The following PCSK4 variants were observed in gnomAD, a reference collection of about 807,000 sequenced individuals.
The protein encoded by PCSK4 is testicular tissue protein Li 135.
PCSK4 carries 64 observed loss-of-function variants against 80.3 expected under a neutral mutation model. The observed-to-expected ratio is 0.80, with a 90% CI of 0.65 to 0.98. PCSK4 has a LOEUF of 0.98. Among genes scored for constraint, PCSK4 ranks in the 50% least tolerant of loss-of-function variants. The probability of loss-of-function intolerance (pLI) is 0.00; values close to 1 mark genes in which losing one functional copy is unlikely to be tolerated. For synonymous variants in PCSK4, 561 were observed against 487.6 expected, an observed-to-expected ratio of 1.15 and a Z score of -1.98; for missense variants, 1,213 against 1,093.6, an observed-to-expected ratio of 1.11 and a Z score of -1.54.
At chr19:1,488,043 C>G (rs756963949) in exon 4 of PCSK4, 62 of 1,613,328 alleles carry the variant, frequency 3.8e-5, no homozygotes, top group Non-Finnish European at 5.3e-5. Context: ...GCCTGACAGC[C>G]CCTGACTCCA....
intron 4 of PCSK4, 28 bp from the exon 5 acceptor site, chr19:1,487,889 C>T (rs892632877): frequency 1.9e-6 from 3 of 1,560,024 alleles, no homozygotes; most frequent in Non-Finnish European, 2.6e-6. Flanking sequence ...TATGAGGGGG[C>T]CGGGAGGCGT....
chr19:1,487,497 C>A, intron 6 of PCSK4, 106 bp downstream of exon 6: 2 of 1,095,106 alleles, frequency 1.8e-6, no homozygotes, highest in Non-Finnish European at 2.7e-6. Flanking sequence ...CTAGCACCAC[C>A]CAGCAGTGAG....
At position 1,487,881 on chromosome 19, in the gene PCSK4, T is replaced by C. The variant is rs1488359049; in HGVS notation, c.517-20A>G. The C allele has an allele frequency of 3.2e-6, 5 of 1,549,736 alleles. No individual in the cohort carries two copies. Among genetic ancestry groups the C allele is most frequent in the Admixed American group, 3.7e-5 (2 of 54,752 alleles). On this transcript the variant is annotated intron_variant, in intron 4 of 14. Transcript: ENST00000300954. ...GGGGTCCTGGGGGCAGGTGGGGATA[T>C]GAGGGGGCCGGGAGGCGTCCCTAGG... is the stretch of plus-strand genomic sequence containing the variant.
intron 12 of PCSK4, 66 bp from the exon 13 acceptor site, chr19:1,483,086 C>G: frequency 7.0e-7 from 1 of 1,434,204 alleles, no homozygotes; most frequent in Non-Finnish European, 9.3e-7. Flanking sequence ...CCGGCAGAGC[C>G]CCATGAAGTG....
In PCSK4 at chr19:1,490,320, C is replaced by T; in HGVS notation, c.27G>A (p.Trp9Ter). ...GGGCCAGGGCCAAGACCAGGCGCAG[C>T]CACAGCGCAATCGGGGCGGGCCGCA... The change falls in exon 1 of 15, where the codon TGG (tryptophan) becomes TGA (stop). Residue 9 changes from tryptophan to a stop codon, truncating the protein, a stop_gained. Transcript: ENST00000300954. LOFTEE classifies it high-confidence loss of function. The T allele has an allele frequency of 6.9e-7, 1 of 1,445,764 alleles. No homozygotes were observed. Among genetic ancestry groups the T allele is most frequent in the Non-Finnish European group, 9.4e-7 (1 of 1,067,194 alleles). The allele number at this position is 1,445,764 out of a possible 1,614,324, so 89.6% of individuals were successfully genotyped here.
chr19:1,487,381 C>T (rs140572227), intron 6 of PCSK4, 68 bp from the exon 7 acceptor site: 42 of 1,304,394 alleles, frequency 3.2e-5, no homozygotes, highest in East Asian at 7.4e-5. Flanking sequence ...GCCCGCCCCG[C>T]GCCACTCCAC....
chr19:1,485,449 C>T (rs2084552205), intron 8 of PCSK4, among the ~76,000 whole-genome samples: 1 of 152,138 alleles, frequency 6.6e-6, no homozygotes, highest in Non-Finnish European at 1.5e-5. Flanking sequence ...CTTGTGGTCT[C>T]AGCTGCTCAA....
intron 8 of PCSK4, among the ~76,000 whole-genome samples, chr19:1,484,414 C>T (rs537433721): frequency 6.6e-6 from 1 of 151,730 alleles, no homozygotes; most frequent in East Asian, 1.9e-4. Context: ...TTGAACCCGA[C>T]AGGCAGAGGT....
exon 8 of PCSK4, chr19:1,486,910 G>C (rs148660839): frequency 1.3e-4 from 214 of 1,602,626 alleles, no homozygotes; most frequent in Non-Finnish European, 1.7e-4. Flanking sequence ...TGGAGGCGCA[G>C]GCTTCGCTGT....
In PCSK4 at chr19:1,487,059, C is replaced by T. The variant is rs371814869; in HGVS notation, c.862G>A (p.Gly288Ser). Reference sequence around the variant, plus strand: ...CAGATGAAGAGCGTGCCCAGCCCGCCGCGGCCCTGGGAAACCAGGAGGGGC... The same window carrying T: ...CAGATGAAGAGCGTGCCCAGCCCGCTGCGGCCCTGGGAAACCAGGAGGGGC... Residue 288 changes from glycine (G) to serine (S), a missense_variant, in exon 8 of 15, where the codon GGC becomes AGC. By Grantham distance (56) the Gly-to-Ser change is moderately conservative. Coordinates refer to ENST00000300954, the Ensembl canonical transcript of PCSK4. 157 of 1,605,368 alleles carry T rather than the reference C, an allele frequency of 9.8e-5. No homozygotes were observed. Among genetic ancestry groups the T allele is most frequent in the South Asian group, 2.4e-4 (22 of 91,058 alleles).
At chr19:1,485,820 G>A (rs926027576) in intron 8 of PCSK4, among the ~76,000 whole-genome samples, 2 of 151,902 alleles carry the variant, frequency 1.3e-5, no homozygotes, top group Non-Finnish European at 2.9e-5. Context: ...GCAGTGAGCT[G>A]AGATCGCGCC....
intron 9 of PCSK4, 36 bp downstream of exon 9, chr19:1,483,991 G>A: frequency 6.7e-7 from 1 of 1,493,922 alleles, no homozygotes. Context: ...CGCGCCTGGG[G>A]GCGAGGGCGG....
At chr19:1,483,061 G>A (rs2084390000) in intron 12 of PCSK4, 41 bp from the exon 13 acceptor site, 1 of 1,486,648 alleles carries the variant, frequency 6.7e-7, no homozygotes, top group Non-Finnish European at 9.0e-7. Context: ...TGTCAAGAGG[G>A]ATGGCTTTGT....
chr19:1,487,955 C>T lies in PCSK4; in HGVS notation c.516+9G>A, dbSNP rs148440832. 534 of 1,604,292 alleles carry T rather than the reference C, an allele frequency of 3.3e-4. 2 individuals carry two copies. The East Asian group carries it at 0.011, about 34-fold the overall frequency. ...GGCAGCCCTCGCCCACAGCCACCCG[C>T]GGTCTCACGTAGTTGGCCCAGAGGT... On this transcript the variant is annotated intron_variant, in intron 4 of 14. Coordinates refer to ENST00000300954, the Ensembl canonical transcript of PCSK4.
intron 6 of PCSK4, 49 bp from the exon 7 acceptor site, chr19:1,487,362 C>T (rs927128435): frequency 1.4e-6 from 2 of 1,454,044 alleles, no homozygotes; most frequent in African/African-American, 1.4e-5. Flanking sequence ...TGCCCTTCCC[C>T]ACACCCCAGC....
intron 8 of PCSK4, among the ~76,000 whole-genome samples, chr19:1,486,047 A>G (rs1222427157): frequency 6.6e-6 from 1 of 151,980 alleles, no homozygotes; most frequent in East Asian, 1.9e-4. Flanking sequence ...ATCTTGGCTC[A>G]CTGCAACCTC....
Position 1,482,204 on chromosome 19 carries a change from C to T in PCSK4, c.1823G>A (p.Cys608Tyr). The change falls in exon 15 of 15, where the codon TGT becomes TAT. Residue 608 changes from cysteine to tyrosine, a missense_variant. Transcript: ENST00000300954. ...TCCCAGGATGTAGGCGGGGCCGTCA[C>T]ACGCTGCTCGGGGACACGCACGCAA... is the stretch of plus-strand genomic sequence containing the variant. The T allele has an allele frequency of 6.5e-7, 1 of 1,535,326 alleles. No individual in the cohort carries two copies. The highest frequency in any genetic ancestry group is 8.7e-7 in the Non-Finnish European group (1 of 1,146,584).
At chr19:1,486,868 G>A (rs1243484487) in exon 8 of PCSK4, 4 of 1,597,960 alleles carry the variant, frequency 2.5e-6, no homozygotes, top group Non-Finnish European at 3.4e-6. Flanking sequence ...GGGGGTCGGT[G>A]GCCACGCCGC....
chr19:1,485,836 A>C (rs1166702536), intron 8 of PCSK4, among the ~76,000 whole-genome samples: 1 of 151,900 alleles, frequency 6.6e-6, no homozygotes, highest in African/African-American at 2.4e-5. Flanking sequence ...GCGCCACTGC[A>C]CTCCAGCCTG....
Sources: allele counts gnomAD v4.1 joint callset (sites outside exome capture counted in the v4.1 genomes callset), GRCh38; gene constraint gnomAD v4.1.1; transcripts MANE v1.5; gene names NCBI Gene and HGNC (gene_info 2026-07-23, HGNC 2026-07-21).